The following SPMIP7 variants were observed in gnomAD, a reference collection of about 807,000 sequenced individuals.
The protein encoded by SPMIP7 is protein SPMIP7.
chr7:50,158,955 C>A, the SPMIP7 span: 1 of 1,368,334 alleles, frequency 7.3e-7, no homozygotes, highest in South Asian at 1.4e-5. Flanking sequence ...CTCCCCTTCC[C>A]GCACAGGGGT....
chr7:50,134,365 G>T, the SPMIP7 span: 2 of 830,806 alleles, frequency 2.4e-6, no homozygotes, highest in East Asian at 2.8e-5. Flanking sequence ...GTAAATTTAT[G>T]TAAGATAAGT....
At chr7:50,098,360 C>G in the SPMIP7 span, among the ~76,000 whole-genome samples, 1 of 152,164 alleles carries the variant, frequency 6.6e-6, no homozygotes, top group Non-Finnish European at 1.5e-5. Context: ...TACTCTGCCT[C>G]TCATTGCAGT....
chr7:50,139,193 GC>G, the SPMIP7 span, among the ~76,000 whole-genome samples: 1 of 151,648 alleles, frequency 6.6e-6, no homozygotes, highest in African/African-American at 2.4e-5. Flanking sequence ...TACTAAAACT[GC>G]AAAAATTAGC....
chr7:50,138,486 TC>T, the SPMIP7 span, among the ~76,000 whole-genome samples: 3 of 152,212 alleles, frequency 2.0e-5, no homozygotes, highest in Non-Finnish European at 4.4e-5. Flanking sequence ...ATTCATTCCA[TC>T]TTTTGCTCTC....
the SPMIP7 span, chr7:50,159,236 A>T: frequency 6.6e-7 from 1 of 1,515,916 alleles, no homozygotes; most frequent in Non-Finnish European, 8.9e-7. Context: ...GGTGGGAAAT[A>T]AAGGCTGCTT....
chr7:50,117,104 C>G, the SPMIP7 span: 1 of 350,102 alleles, frequency 2.9e-6, no homozygotes, highest in South Asian at 2.4e-5. Flanking sequence ...AGTATCAGAG[C>G]CTTTACCTTG....
chr7:50,140,536 T>C, the SPMIP7 span, among the ~76,000 whole-genome samples: 1 of 152,232 alleles, frequency 6.6e-6, no homozygotes, highest in Admixed American at 6.5e-5. Flanking sequence ...GCAGAAGGGA[T>C]GAGATGCTCA....
At chr7:50,134,090 T>C in the SPMIP7 span, 10 of 1,523,946 alleles carry the variant, frequency 6.6e-6, no homozygotes. Context: ...AAGATGTTCC[T>C]ATTTAATAAC....
chr7:50,121,656 T>TC, the SPMIP7 span, among the ~76,000 whole-genome samples: 38 of 152,108 alleles, frequency 2.5e-4, no homozygotes, highest in Admixed American at 1.7e-3. Context: ...TTCTTTTTTT[T>TC]TTCTTTTCTT....
At chr7:50,154,293 C>T in the SPMIP7 span, among the ~76,000 whole-genome samples, 1 of 152,130 alleles carries the variant, frequency 6.6e-6, no homozygotes, top group South Asian at 2.1e-4. Flanking sequence ...GAATACGATG[C>T]ACTATGACGC....
At chr7:50,101,551 T>G in the SPMIP7 span, among the ~76,000 whole-genome samples, 2 of 152,124 alleles carry the variant, frequency 1.3e-5, no homozygotes, top group Non-Finnish European at 2.9e-5. Flanking sequence ...TGAAACGGAG[T>G]GGAGGAAAGG....
At chr7:50,116,729 T>A in the SPMIP7 span, among the ~76,000 whole-genome samples, 1 of 152,298 alleles carries the variant, frequency 6.6e-6, no homozygotes, top group African/African-American at 2.4e-5. Flanking sequence ...TTTTGTGGGA[T>A]TTTGAAAAGT....
chr7:50,098,575 T>C, the SPMIP7 span, among the ~76,000 whole-genome samples: 11 of 152,302 alleles, frequency 7.2e-5, no homozygotes, highest in East Asian at 2.1e-3. Context: ...TTGTTTCTCA[T>C]AGTTCTAGAG....
At chr7:50,105,941 A>G in the SPMIP7 span, among the ~76,000 whole-genome samples, 1 of 152,214 alleles carries the variant, frequency 6.6e-6, no homozygotes, top group Non-Finnish European at 1.5e-5. Context: ...AACCTATGCT[A>G]CAAATTTATG....
At chr7:50,136,125 C>T in the SPMIP7 span, 1 of 1,551,354 alleles carries the variant, frequency 6.4e-7, no homozygotes. Context: ...GGACAGATTT[C>T]AAACAAGATC....
At chr7:50,116,470 G>A in the SPMIP7 span, among the ~76,000 whole-genome samples, 1 of 152,190 alleles carries the variant, frequency 6.6e-6, no homozygotes, top group Non-Finnish European at 1.5e-5. Context: ...ATATCAGCAA[G>A]AAACAGAAAG....
chr7:50,138,248 T>A, the SPMIP7 span, among the ~76,000 whole-genome samples: 3 of 152,200 alleles, frequency 2.0e-5, no homozygotes, highest in Admixed American at 2.0e-4. Context: ...AGGATCTTAC[T>A]AAATAGTTTA....
chr7:50,113,743 G>A, the SPMIP7 span, among the ~76,000 whole-genome samples: 1 of 151,918 alleles, frequency 6.6e-6, no homozygotes, highest in Non-Finnish European at 1.5e-5. Flanking sequence ...AAAGTGAGCT[G>A]AGAAAAAAGA....
the SPMIP7 span, among the ~76,000 whole-genome samples, chr7:50,112,082 T>C: frequency 6.6e-6 from 1 of 151,516 alleles, no homozygotes; most frequent in South Asian, 2.1e-4. Flanking sequence ...TGACAAAAAA[T>C]AATACAAAAT....
Sources: gnomAD v4.1 joint callset for allele counts (sites outside exome capture counted in the v4.1 genomes callset) on GRCh38, gnomAD v4.1.1 for gene constraint, MANE v1.5 for transcripts, NCBI Gene and HGNC (gene_info 2026-07-23, HGNC 2026-07-21) for gene names.